Variants in DAAM2 observed in about 807,000 individuals in gnomAD.
DAAM2 encodes dishevelled associated activator of morphogenesis 2, also known as disheveled-associated activator of morphogenesis 2.
In DAAM2, 39 loss-of-function variants were observed where a neutral mutation model predicts 120.7. The ratio of observed to expected loss-of-function variants is 0.32; its 90% confidence interval spans 0.25 to 0.42. The LOEUF is 0.42. Among genes scored for constraint, DAAM2 ranks in the 10% least tolerant of loss-of-function variants. DAAM2 has a pLI of 1.00. For synonymous variants in DAAM2, 488 were observed against 524.9 expected (o/e 0.93, Z 0.96); for missense variants, 1,283 against 1,401.7 (o/e 0.92, Z 1.35).
At chr6:39,803,738 C>T (rs1212288398) in intron 1 of DAAM2, among the ~76,000 whole-genome samples, 1 of 152,146 alleles carries the variant, frequency 6.6e-6, no homozygotes, top group East Asian at 1.9e-4. Flanking sequence ...TGGGTGCTGT[C>T]CCCCTAGAAC....
chr6:39,839,926 T>A (rs569955186), intron 1 of DAAM2, among the ~76,000 whole-genome samples: 1 of 152,070 alleles, frequency 6.6e-6, no homozygotes, highest in Non-Finnish European at 1.5e-5. Flanking sequence ...AGAATGGGAG[T>A]TTAAGACAGC....
intron 1 of DAAM2, among the ~76,000 whole-genome samples, chr6:39,808,799 G>T (rs1384591484): frequency 3.3e-5 from 5 of 152,196 alleles, no homozygotes; most frequent in South Asian, 2.1e-4. Flanking sequence ...CCCCTTATCG[G>T]GTTGGCGTGG....
chr6:39,904,776 G>A lies in DAAM2; in HGVS notation c.*2739G>A, dbSNP rs764687913. On this transcript the variant is annotated 3_prime_UTR_variant, in exon 25 of 25. Coordinates refer to ENST00000274867, the MANE Select transcript of DAAM2 (RefSeq NM_001201427.2). The stretch of plus-strand genomic sequence containing the variant: ...GCCTCAGATGACAAATGAGGCTAAT[G>A]GACATAATCTACAGTGTCCTTTTTC... 1.5e-5 allele frequency: 7 copies of A among 454,072 alleles called. No homozygotes were observed. Among genetic ancestry groups the A allele is most frequent in the South Asian group, 1.1e-4 (7 of 64,466 alleles). The allele number at this position is 454,072 out of a possible 1,614,324, so 28.1% of individuals were successfully genotyped here.
In DAAM2 at chr6:39,901,908, G is replaced by T; in HGVS notation, c.3078G>T (p.Leu1026=). 6.2e-7 allele frequency: 1 copy of T among 1,608,214 alleles called. No homozygotes were observed. Among genetic ancestry groups the T allele is most frequent in the South Asian group, 1.1e-5 (1 of 90,772 alleles). The change falls in exon 25 of 25, where the codon CTG becomes CTT. Residue 1026 remains leucine, a synonymous_variant. Transcript: ENST00000274867. This position sits in a 1 kb window ranked among gnomAD's most constrained non-coding sequence, Gnocchi z 4.5. ...AGGAGGGAGGAGAGTTCGATGACCT[G>T]GTGTCGGCCCTGCGCTCTGGGGAGG... The part of the protein sequence containing the change: ...SLEEGGEFDD[L]VSALRSGEVF...
intron 19 of DAAM2, among the ~76,000 whole-genome samples, chr6:39,895,579 T>G (rs556317212): frequency 6.6e-6 from 1 of 152,352 alleles, no homozygotes; most frequent in South Asian, 2.1e-4. Context: ...CAAAGTCGTT[T>G]TCATTTTATC....
chr6:39,838,391 A>C (rs1269054160), intron 1 of DAAM2, among the ~76,000 whole-genome samples: 1 of 152,226 alleles, frequency 6.6e-6, no homozygotes, highest in African/African-American at 2.4e-5. Flanking sequence ...GGTGATGCTG[A>C]TGCTGCTGGC....
chr6:39,870,251 G>A, intron 7 of DAAM2, 89 bp from the exon 8 acceptor site: 1 of 766,312 alleles, frequency 1.3e-6, no homozygotes, highest in South Asian at 1.6e-5. Context: ...TGTTGGGTCT[G>A]TGGCTAGGGT....
chr6:39,876,340 T>G (rs1337744863), intron 11 of DAAM2, among the ~76,000 whole-genome samples: 1 of 152,244 alleles, frequency 6.6e-6, no homozygotes, highest in Non-Finnish European at 1.5e-5. Context: ...CACAATTATT[T>G]TCCAGCTATT....
intron 1 of DAAM2, among the ~76,000 whole-genome samples, chr6:39,808,529 C>T (rs1333592867): frequency 6.6e-6 from 1 of 152,220 alleles, no homozygotes; most frequent in Non-Finnish European, 1.5e-5. Context: ...GGAAAGTACC[C>T]ACCACTGGGA....
At chr6:39,879,031 A>C in intron 13 of DAAM2, 147 bp from the exon 14 acceptor site, 1 of 615,788 alleles carries the variant, frequency 1.6e-6, no homozygotes, top group South Asian at 2.0e-5. Context: ...GCAGAGAGAG[A>C]AAATGGGGCC....
At chr6:39,872,753 C>T (rs1247468330) in intron 9 of DAAM2, among the ~76,000 whole-genome samples, 1 of 152,212 alleles carries the variant, frequency 6.6e-6, no homozygotes, top group Non-Finnish European at 1.5e-5. Context: ...AAGCGTAGAT[C>T]TGGGGTTTGA....
At chr6:39,825,450 G>T (rs531852805) in intron 1 of DAAM2, among the ~76,000 whole-genome samples, 2 of 115,448 alleles carry the variant, frequency 1.7e-5, no homozygotes, top group Admixed American at 1.1e-4. Flanking sequence ...GGGGTTGGTG[G>T]GGGGCCTTTG....
chr6:39,799,965 T>C (rs1761811265), intron 1 of DAAM2, among the ~76,000 whole-genome samples: 3 of 152,236 alleles, frequency 2.0e-5, no homozygotes, highest in Admixed American at 6.5e-5. Context: ...TTATAGTACA[T>C]GTTACTCTGT....
intron 1 of DAAM2, among the ~76,000 whole-genome samples, chr6:39,797,972 T>C (rs187512123): frequency 3.9e-5 from 6 of 152,382 alleles, no homozygotes; most frequent in Admixed American, 6.5e-5. Context: ...CAGCCATCTC[T>C]GTTCATTTGT....
intron 18 of DAAM2, 71 bp downstream of exon 18, chr6:39,891,518 A>C: frequency 6.6e-7 from 1 of 1,516,640 alleles, no homozygotes. Flanking sequence ...GGGCTCTGCC[A>C]AGAGGAAGGG....
chr6:39,830,515 T>C (rs1211002802), intron 1 of DAAM2, among the ~76,000 whole-genome samples: 3 of 152,128 alleles, frequency 2.0e-5, no homozygotes, highest in South Asian at 2.1e-4. Flanking sequence ...GGACAAGTGA[T>C]GCTGACAGAC....
intron 1 of DAAM2, among the ~76,000 whole-genome samples, chr6:39,851,922 T>G (rs1763821181): frequency 6.6e-6 from 1 of 152,234 alleles, no homozygotes; most frequent in Non-Finnish European, 1.5e-5. Flanking sequence ...GTGCTTTCAC[T>G]ACAATGTAGA....
Position 39,867,736 on chromosome 6 carries a change from G to C in DAAM2, c.655G>C (p.Val219Leu). Reference sequence around the variant, plus strand: ...AGAGAACAGCAAGACCAAGGTGGCTGTGCTGGAGATCCTGGGTGCTGTGTG... The same window carrying C: ...AGAGAACAGCAAGACCAAGGTGGCTCTGCTGGAGATCCTGGGTGCTGTGTG... ...RTENSKTKVA[V>L]LEILGAVCLV... Residue 219 changes from valine to leucine, a missense_variant, in exon 6 of 25, where the codon GTG becomes CTG. By Grantham distance (32) the Val-to-Leu change is conservative. Coordinates refer to ENST00000274867, the MANE Select transcript of DAAM2 (RefSeq NM_001201427.2). 6.2e-7 allele frequency: 1 copy of C among 1,614,044 alleles called. No homozygotes were observed. The highest frequency in any genetic ancestry group is 1.1e-5 in the South Asian group (1 of 91,090).
At chr6:39,856,955 CTATG>C (rs1764032345) in intron 2 of DAAM2, among the ~76,000 whole-genome samples, 2 of 152,134 alleles carry the variant, frequency 1.3e-5, no homozygotes, top group African/African-American at 4.8e-5. Flanking sequence ...GTGGAAATGC[CTATG>C]TCATGCCTGG....
Sources: gnomAD v4.1 joint callset for allele counts (sites outside exome capture counted in the v4.1 genomes callset) on GRCh38, gnomAD v4.1.1 for gene constraint, Gnocchi (gnomAD v3.1) non-coding constraint, MANE v1.5 for transcripts, NCBI Gene and HGNC (gene_info 2026-07-23, HGNC 2026-07-21) for gene names.